Variants in TRIP12 observed in about 807,000 individuals in gnomAD.
The protein encoded by TRIP12 is E3 ubiquitin-protein ligase TRIP12.
TRIP12 carries 25 observed loss-of-function variants against 244.2 expected under a neutral mutation model. The ratio of observed to expected loss-of-function variants is 0.10; its 90% confidence interval spans 0.07 to 0.14. The LOEUF is 0.14. Ranked by LOEUF, TRIP12 falls within the 10% of genes least tolerant of loss-of-function variation. The pLI is 1.00. For synonymous variants in TRIP12, 905 were observed against 873.1 expected (o/e 1.04, Z -0.64); for missense variants, 1,677 against 2,486.4 (o/e 0.67, Z 6.92).
chr2:229,822,421 A>G (rs1274423929), intron 8 of TRIP12, among the ~76,000 whole-genome samples: 1 of 152,240 alleles, frequency 6.6e-6, no homozygotes, highest in Non-Finnish European at 1.5e-5. Flanking sequence ...AAAGTTGTCA[A>G]TCAAAATTCT....
intron 4 of TRIP12, among the ~76,000 whole-genome samples, chr2:229,850,717 G>A (rs867841703): frequency 1.3e-5 from 2 of 152,236 alleles, no homozygotes; most frequent in South Asian, 2.1e-4. Context: ...GAGGTGTGGA[G>A]GGAGAGGCGC....
intron 32 of TRIP12, among the ~76,000 whole-genome samples, chr2:229,788,522 C>A (rs2040636519): frequency 6.6e-6 from 1 of 152,210 alleles, no homozygotes. Context: ...CCTTTGGAAT[C>A]CAATTCCATG....
chr2:229,872,709 A>G (rs967153324), intron 2 of TRIP12, among the ~76,000 whole-genome samples: 10 of 152,262 alleles, frequency 6.6e-5, no homozygotes, highest in Non-Finnish European at 4.4e-5. Flanking sequence ...CTCTTACTCT[A>G]AAATCTTCCT....
intron 34 of TRIP12, among the ~76,000 whole-genome samples, chr2:229,782,227 C>CA (rs1341971512): frequency 1.3e-5 from 2 of 151,932 alleles, no homozygotes; most frequent in Admixed American, 6.6e-5. Context: ...AAGCTAGATT[C>CA]AAAAAATCCG....
In TRIP12 at chr2:229,853,669, A is replaced by T. The variant is rs184357721; in HGVS notation, c.1027+5103T>A. Among the ~76,000 whole-genome samples the T allele has an allele frequency of 1.3e-3, 182 of 137,606 alleles. 1 individual carries two copies. Among genetic ancestry groups the T allele is most frequent in the Non-Finnish European group, 9.3e-4 (57 of 61,250 alleles). 90.3% of individuals were successfully genotyped at this position (137,606 alleles called of 152,430 possible). A position where few individuals can be genotyped will look rare whatever the true frequency, so the allele number is the denominator to read the frequency against. ...TGAGACTCTGACTCCAAAAATAAAT[A>T]AATAAATAAAATACATACATACATA... On this transcript the variant is annotated intron_variant, in intron 4 of 41. Coordinates refer to ENST00000675903, the MANE Select transcript of TRIP12 (RefSeq NM_001348323.3).
intron 37 of TRIP12, among the ~76,000 whole-genome samples, chr2:229,776,550 T>C (rs2036311865): frequency 6.6e-6 from 1 of 152,186 alleles, no homozygotes; most frequent in African/African-American, 2.4e-5. Context: ...CCTATCCCTC[T>C]ACCATAAGAT....
chr2:229,917,822 C>T (rs1405280535), intron 1 of TRIP12, among the ~76,000 whole-genome samples: 4 of 152,110 alleles, frequency 2.6e-5, no homozygotes, highest in African/African-American at 9.7e-5. Context: ...TCCAAAGTTG[C>T]CTAGAACTAC....
chr2:229,906,664 G>C (rs1215895627), intron 1 of TRIP12, among the ~76,000 whole-genome samples: 1 of 147,438 alleles, frequency 6.8e-6, no homozygotes, highest in African/African-American at 2.5e-5. Flanking sequence ...AGGTTGCAGT[G>C]AGCTAAGATC....
At chr2:229,859,878 G>T (rs762389180) in intron 3 of TRIP12, among the ~76,000 whole-genome samples, 2 of 152,114 alleles carry the variant, frequency 1.3e-5, no homozygotes, top group African/African-American at 2.4e-5. Context: ...TTAATTGTTC[G>T]GAACCAGAGG....
rs562478832 is a variant in TRIP12, at chr2:229,829,239, A to G, written c.1404T>C (p.Gly468=). 772 of 1,614,014 alleles carry G rather than the reference A, an allele frequency of 4.8e-4. 8 individuals are homozygous for G. The South Asian group carries it at 7.9e-3, about 17-fold the overall frequency. Residue 468 remains glycine, a synonymous_variant, in exon 8 of 42, where the codon GGT becomes GGC. Transcript: ENST00000675903. ...GLPPHLFGPL[G]PRMSQLFHRT... ...TATGGAAAAGCTGTGACATCCGAGGACCAAGAGGACCAAATAGGTGAGGGG... is the reference window on the plus strand; with the variant it reads ...TATGGAAAAGCTGTGACATCCGAGGGCCAAGAGGACCAAATAGGTGAGGGG...
At chr2:229,873,219 T>C (rs1290522664) in intron 2 of TRIP12, among the ~76,000 whole-genome samples, 1 of 152,310 alleles carries the variant, frequency 6.6e-6, no homozygotes, top group Non-Finnish European at 1.5e-5. Flanking sequence ...AAAAGCACTC[T>C]TTCCCCTGAT....
chr2:229,840,545 T>TA (rs1236776893), intron 5 of TRIP12, among the ~76,000 whole-genome samples: 2 of 151,468 alleles, frequency 1.3e-5, no homozygotes, highest in East Asian at 1.9e-4. Context: ...CTACTAAAAA[T>TA]AAAAAAATTA....
At position 229,765,628 on chromosome 2, in the gene TRIP12, C is replaced by CT; in HGVS notation, c.*1925dup. 6.6e-6 allele frequency: 1 copy of CT among 152,202 alleles called. No individual in the cohort carries two copies. The allele number at this position is 152,202 out of a possible 1,614,324, so 9.4% of individuals were successfully genotyped here. ...GAAACATTATTTTGTTTATACATGT[C>CT]TAAATTTTAACAGAACCCTTTAAAA... is the stretch of plus-strand genomic sequence containing the variant. On this transcript the variant is annotated 3_prime_UTR_variant, in exon 42 of 42. Transcript: ENST00000675903.
chr2:229,777,899 C>T (rs2036808296), intron 36 of TRIP12, among the ~76,000 whole-genome samples: 1 of 152,140 alleles, frequency 6.6e-6, no homozygotes. Context: ...TGGCTCATGC[C>T]TGTAATTCCA....
At chr2:229,868,494 C>T (rs76636345) in intron 2 of TRIP12, among the ~76,000 whole-genome samples, 2 of 152,158 alleles carry the variant, frequency 1.3e-5, no homozygotes, top group East Asian at 1.9e-4. Context: ...TGAGACACTG[C>T]GCCCAACCAA....
Position 229,810,953 on chromosome 2 carries a change from A to G in TRIP12, c.2148T>C (p.Phe716=), listed in dbSNP as rs576119332. The change falls in exon 15 of 42, where the codon TTT becomes TTC. Residue 716 remains phenylalanine, a synonymous_variant. Transcript: ENST00000675903. ...VTPPILSSGM[F]IMVVRMFSLM... is the part of the protein sequence containing the mutation. ...GAGAAAACATGCGAACCACCATTATAAACATCCCAGAACTTAAAATGGGTG... is the reference window on the plus strand; with the variant it reads ...GAGAAAACATGCGAACCACCATTATGAACATCCCAGAACTTAAAATGGGTG... 1 of 1,614,102 alleles carries G rather than the reference A, an allele frequency of 6.2e-7. No individual in the cohort carries two copies. Among genetic ancestry groups the G allele is most frequent in the African/African-American group, 1.3e-5 (1 of 75,048 alleles).
intron 1 of TRIP12, among the ~76,000 whole-genome samples, chr2:229,910,354 G>C (rs970813716): frequency 1.3e-5 from 2 of 152,066 alleles, no homozygotes; most frequent in Non-Finnish European, 2.9e-5. Context: ...TTAGTAATAA[G>C]AAACAAAACC....
At chr2:229,811,327 G>A (rs966859097) in intron 13 of TRIP12, 123 bp from the exon 14 acceptor site, 5 of 1,011,764 alleles carry the variant, frequency 4.9e-6, no homozygotes, top group South Asian at 1.7e-5. Context: ...GTAAATGACA[G>A]CTTTGAAAAT....
At chr2:229,921,375 C>G (rs2076523024) in intron 1 of TRIP12, 1 of 152,854 alleles carries the variant, frequency 6.5e-6, no homozygotes, top group Admixed American at 6.5e-5. Flanking sequence ...CGTCCACGGC[C>G]CCGGAGCCTC....
Sources: allele counts gnomAD v4.1 joint callset (sites outside exome capture counted in the v4.1 genomes callset), GRCh38; gene constraint gnomAD v4.1.1; transcripts MANE v1.5; gene names NCBI Gene and HGNC (gene_info 2026-07-23, HGNC 2026-07-21).